Variants in HACD2 observed in about 807,000 individuals in gnomAD.
The protein encoded by HACD2 is very-long-chain (3R)-3-hydroxyacyl-CoA dehydratase 2.
A neutral mutation model predicts 31.0 loss-of-function variants in HACD2; 15 were observed. The observed-to-expected ratio is 0.48, with a 90% CI of 0.32 to 0.75. The LOEUF (loss-of-function observed/expected upper bound fraction) is 0.75. HACD2 is among the 30% of genes least tolerant of loss of function. The probability of loss-of-function intolerance (pLI) is 0.03; values close to 1 mark genes in which losing one functional copy is unlikely to be tolerated. For synonymous variants in HACD2, 115 were observed against 122.2 expected, an observed-to-expected ratio of 0.94 and a Z score of 0.39; for missense variants, 283 against 313.0, an observed-to-expected ratio of 0.90 and a Z score of 0.72.
At chr3:123,498,429 C>T (rs1221418160) in intron 6 of HACD2, among the ~76,000 whole-genome samples, 3 of 152,190 alleles carry the variant, frequency 2.0e-5, no homozygotes, top group African/African-American at 7.2e-5. Flanking sequence ...TCCCCAACCG[C>T]CACCTGTTGG....
chr3:123,520,807 G>T (rs1384219216), intron 4 of HACD2, among the ~76,000 whole-genome samples: 4 of 152,090 alleles, frequency 2.6e-5, no homozygotes. Flanking sequence ...TAAACATAGA[G>T]CCTTGTTTCC....
intron 2 of HACD2, among the ~76,000 whole-genome samples, chr3:123,580,791 G>GA (rs71142746): frequency 0.024 from 2,573 of 107,976 alleles, 27 homozygotes; most frequent in Middle Eastern, 0.041. Flanking sequence ...CCTGTCTCAA[G>GA]AAAAAAAAAA....
At chr3:123,571,626 G>A (rs2056856679) in intron 2 of HACD2, among the ~76,000 whole-genome samples, 1 of 152,106 alleles carries the variant, frequency 6.6e-6, no homozygotes, top group African/African-American at 2.4e-5. Flanking sequence ...CCAATAACCT[G>A]GATGAGCTTG....
chr3:123,504,262 T>C (rs890303547), intron 4 of HACD2, among the ~76,000 whole-genome samples: 1 of 152,220 alleles, frequency 6.6e-6, no homozygotes, highest in Non-Finnish European at 1.5e-5. Flanking sequence ...GATATGTTTT[T>C]ACAGCTAAGA....
intron 3 of HACD2, among the ~76,000 whole-genome samples, chr3:123,535,752 T>G (rs2605403): frequency 6.6e-6 from 1 of 152,220 alleles, no homozygotes; most frequent in Non-Finnish European, 1.5e-5. Flanking sequence ...GAGACTGATA[T>G]AAAATTCTCT....
At chr3:123,583,948 T>C (rs927222320) in intron 1 of HACD2, among the ~76,000 whole-genome samples, 8 of 152,220 alleles carry the variant, frequency 5.3e-5, no homozygotes, top group Non-Finnish European at 1.2e-4. Context: ...TCTGTATGTT[T>C]GAAATTTTTC....
intron 4 of HACD2, among the ~76,000 whole-genome samples, chr3:123,508,831 G>C (rs2056011803): frequency 6.6e-6 from 1 of 152,190 alleles, no homozygotes; most frequent in Non-Finnish European, 1.5e-5. Context: ...CAGTTATGGA[G>C]GCTGGAAGTC....
In HACD2 at chr3:123,494,525, G is replaced by A. The variant is rs1160650371; in HGVS notation, c.*363C>T. ...GCAAGCTGGGCTATTCAGCTGGTAC[G>A]ACTTCATTATTCAGACTGTAACTCT... On this transcript the variant is annotated 3_prime_UTR_variant, in exon 7 of 7. Transcript: ENST00000383657. 6 of 275,408 alleles carry A rather than the reference G, an allele frequency of 2.2e-5. No homozygotes were observed. Among genetic ancestry groups the A allele is most frequent in the South Asian group, 4.1e-5 (1 of 24,642 alleles). The allele number at this position is 275,408 out of a possible 1,614,324, so 17.1% of individuals were successfully genotyped here. A position where few individuals can be genotyped will look rare whatever the true frequency, so the allele number is the denominator to read the frequency against.
intron 3 of HACD2, among the ~76,000 whole-genome samples, chr3:123,554,162 C>T (rs912205276): frequency 6.6e-6 from 1 of 152,090 alleles, no homozygotes; most frequent in African/African-American, 2.4e-5. Flanking sequence ...GTTATATGTT[C>T]TGACAAGCTA....
chr3:123,578,835 C>T (rs1163552188), intron 2 of HACD2, among the ~76,000 whole-genome samples: 2 of 152,174 alleles, frequency 1.3e-5, no homozygotes, highest in African/African-American at 2.4e-5. Context: ...ACTAATAATT[C>T]CCATCAGGAT....
chr3:123,524,966 G>C (rs1175823021), intron 4 of HACD2, among the ~76,000 whole-genome samples: 3 of 152,170 alleles, frequency 2.0e-5, no homozygotes, highest in African/African-American at 7.2e-5. Flanking sequence ...GTTGTTAAGA[G>C]AGAATGATCA....
intron 3 of HACD2, among the ~76,000 whole-genome samples, chr3:123,544,067 A>C (rs1473304885): frequency 6.6e-6 from 1 of 152,230 alleles, no homozygotes; most frequent in Non-Finnish European, 1.5e-5. Flanking sequence ...TGTTAAAAGT[A>C]CAAATGACTT....
intron 4 of HACD2, among the ~76,000 whole-genome samples, chr3:123,506,880 G>A (rs745645098): frequency 3.9e-5 from 6 of 152,210 alleles, no homozygotes; most frequent in East Asian, 1.9e-4. Flanking sequence ...GAGGGGCAAC[G>A]GATTTGGATT....
At position 123,558,196 on chromosome 3, in the gene HACD2, C is replaced by CA; in HGVS notation, c.292+9565dup. On this transcript the variant is annotated intron_variant, in intron 3 of 6. Coordinates refer to ENST00000383657, the MANE Select transcript of HACD2 (RefSeq NM_198402.5). ...TCTGAAAAGGCTGCATACTGTATGA[C>CA]ATTCTGGAAAAGGCAAAACCATGGA... 2.6e-5 allele frequency among the ~76,000 whole-genome samples: 4 copies of CA among 152,326 alleles called. No individual in the cohort carries two copies. In the South Asian group the frequency reaches 8.3e-4, roughly 32 times the overall value.
rs764454049 is a variant in HACD2 at position 123,582,323 on chromosome 3, C to T, written c.162G>A (p.Leu54=). The change falls in exon 2 of 7, where the codon CTG becomes CTA. Residue 54 remains leucine, a synonymous_variant. Coordinates refer to ENST00000383657, the MANE Select transcript of HACD2 (RefSeq NM_198402.5). ...CTCGGACCAGACCAACCGCTATAAC[C>T]AGCCACCTAGTAAAAGAGAAAACAG... The part of the protein sequence containing the change: ...IYNVVMTAGW[L]VIAVGLVRAY... 1 of 1,574,248 alleles carries T rather than the reference C, an allele frequency of 6.4e-7. No individual in the cohort carries two copies. The highest frequency in any genetic ancestry group is 8.6e-7 in the Non-Finnish European group (1 of 1,163,164).
chr3:123,544,412 T>C (rs2056530732), intron 3 of HACD2, among the ~76,000 whole-genome samples: 1 of 152,150 alleles, frequency 6.6e-6, no homozygotes, highest in Non-Finnish European at 1.5e-5. Flanking sequence ...TAAATGGTCA[T>C]TGCAAAAAAA....
At chr3:123,564,930 G>A (rs2056774867) in intron 3 of HACD2, among the ~76,000 whole-genome samples, 2 of 152,116 alleles carry the variant, frequency 1.3e-5, no homozygotes, top group Non-Finnish European at 2.9e-5. Flanking sequence ...CCCTCGAGGA[G>A]CTCAGAGTCT....
intron 2 of HACD2, among the ~76,000 whole-genome samples, chr3:123,571,569 G>A (rs917320283): frequency 2.0e-5 from 3 of 152,140 alleles, no homozygotes; most frequent in Admixed American, 6.5e-5. Flanking sequence ...ACCTCCTACC[G>A]ACAGCTAGCA....
chr3:123,499,260 C>CT (rs1409723335), intron 6 of HACD2: 2 of 173,086 alleles, frequency 1.2e-5, no homozygotes, highest in Non-Finnish European at 1.2e-5. Context: ...AAATGAAACT[C>CT]TAAAAAAAAA....
Sources: allele counts gnomAD v4.1 joint callset (sites outside exome capture counted in the v4.1 genomes callset), GRCh38; gene constraint gnomAD v4.1.1; transcripts MANE v1.5; gene names NCBI Gene and HGNC (gene_info 2026-07-23, HGNC 2026-07-21).